The following PPFIBP1 variants were observed in gnomAD, a reference collection of about 807,000 sequenced individuals.
The protein encoded by PPFIBP1 is PPFIB scaffold protein 1, also known as liprin-beta-1.
PPFIBP1 carries 112 observed loss-of-function variants against 137.8 expected under a neutral mutation model. The observed-to-expected ratio is 0.81, with a 90% confidence interval of 0.70 to 0.95. PPFIBP1 has a LOEUF of 0.95. Among genes scored for constraint, PPFIBP1 ranks in the 40% least tolerant of loss-of-function variants. PPFIBP1 has a pLI of 0.00. For missense variants in PPFIBP1, 1,083 were observed against 1,196.6 expected (o/e 0.91, Z 1.40); for synonymous variants, 378 against 417.3 (o/e 0.91, Z 1.15).
chr12:27,653,425 A>G (rs2058999322), intron 7 of PPFIBP1, among the ~76,000 whole-genome samples: 1 of 152,050 alleles, frequency 6.6e-6, no homozygotes, highest in Non-Finnish European at 1.5e-5. Context: ...CGTCTCTACT[A>G]AAAATACAAA....
intron 1 of PPFIBP1, among the ~76,000 whole-genome samples, chr12:27,543,160 T>A (rs1565735708): frequency 6.6e-6 from 1 of 152,252 alleles, no homozygotes; most frequent in African/African-American, 2.4e-5. Flanking sequence ...CATTTTTGCC[T>A]GAAGAATTTC....
chr12:27,529,871 A>G (rs1035980450), intron 1 of PPFIBP1, among the ~76,000 whole-genome samples: 1 of 152,198 alleles, frequency 6.6e-6, no homozygotes. Context: ...GTACCATATC[A>G]CTAAATGTAC....
At position 27,582,948 on chromosome 12, in the gene PPFIBP1, G is replaced by T. The variant is rs369034559; in HGVS notation, c.-36+4709G>T. On this transcript the variant is annotated intron_variant, in intron 2 of 29. Transcript: ENST00000228425. ...TGTTATTTTTCCATCAGCTTTTCTT[G>T]CTTGTTGTTTGTTTTTTACCTAATT... 5.8e-4 allele frequency among the ~76,000 whole-genome samples: 89 copies of T among 152,192 alleles called. 1 individual carries two copies. The South Asian group carries it at 0.017, about 30-fold the overall frequency.
At chr12:27,568,307 A>T (rs1256685057) in intron 1 of PPFIBP1, among the ~76,000 whole-genome samples, 1 of 152,350 alleles carries the variant, frequency 6.6e-6, no homozygotes, top group East Asian at 1.9e-4. Context: ...TTTGCTTTTA[A>T]TCTCAAAAAG....
intron 21 of PPFIBP1, 54 bp downstream of exon 21, chr12:27,680,115 A>T (rs1485415671): frequency 1.4e-5 from 23 of 1,601,588 alleles, no homozygotes; most frequent in Non-Finnish European, 2.0e-5. Context: ...TCATAGCCTC[A>T]TGAGTCCTGC....
chr12:27,617,704 T>C (rs2055912154), intron 2 of PPFIBP1, among the ~76,000 whole-genome samples: 1 of 152,240 alleles, frequency 6.6e-6, no homozygotes, highest in Admixed American at 6.5e-5. Flanking sequence ...TTTTTAAATT[T>C]CTTTTTTTAT....
chr12:27,664,093 A>T (rs2059711964), intron 11 of PPFIBP1, among the ~76,000 whole-genome samples: 2 of 152,278 alleles, frequency 1.3e-5, no homozygotes, highest in South Asian at 4.1e-4. Context: ...CAGCTAAAGG[A>T]TAGGATCTCT....
chr12:27,579,902 G>A (rs1182799985), intron 2 of PPFIBP1, among the ~76,000 whole-genome samples: 2 of 152,322 alleles, frequency 1.3e-5, no homozygotes, highest in East Asian at 3.9e-4. Context: ...GTGTGGCCAG[G>A]TGGAAGCCCT....
intron 22 of PPFIBP1, among the ~76,000 whole-genome samples, chr12:27,681,992 T>A (rs373281140): frequency 0.19 from 7 of 36 alleles, no homozygotes; most frequent in Non-Finnish European, 0.5. Flanking sequence ...CATTGGCCTG[T>A]TTTTCTCAGT....
At chr12:27,571,232 C>A (rs1026139853) in intron 1 of PPFIBP1, among the ~76,000 whole-genome samples, 1 of 152,084 alleles carries the variant, frequency 6.6e-6, no homozygotes, top group Admixed American at 6.5e-5. Flanking sequence ...GGATTGTTTC[C>A]ATTTTTTAAT....
At chr12:27,651,749 A>G (rs1300042843) in intron 7 of PPFIBP1, among the ~76,000 whole-genome samples, 1 of 152,182 alleles carries the variant, frequency 6.6e-6, no homozygotes, top group African/African-American at 2.4e-5. Flanking sequence ...ACCTGTTGTT[A>G]ACTTAATTTG....
chr12:27,580,353 T>C, intron 2 of PPFIBP1, among the ~76,000 whole-genome samples: 1 of 152,236 alleles, frequency 6.6e-6, no homozygotes, highest in East Asian at 1.9e-4. Flanking sequence ...GCATGTGGGC[T>C]TTGCCTTAAG....
intron 1 of PPFIBP1, among the ~76,000 whole-genome samples, chr12:27,535,500 A>G (rs955598370): frequency 6.6e-6 from 1 of 152,024 alleles, no homozygotes; most frequent in Non-Finnish European, 1.5e-5. Context: ...TGCAGCTTCT[A>G]CTTTCTGGGC....
intron 13 of PPFIBP1, among the ~76,000 whole-genome samples, chr12:27,667,905 T>C (rs1264890509): frequency 6.6e-6 from 1 of 152,150 alleles, no homozygotes; most frequent in Non-Finnish European, 1.5e-5. Flanking sequence ...CCCGGGCAAC[T>C]TTGCATCGCC....
intron 4 of PPFIBP1, among the ~76,000 whole-genome samples, chr12:27,641,287 T>G (rs1362079157): frequency 6.6e-6 from 1 of 152,194 alleles, no homozygotes; most frequent in African/African-American, 2.4e-5. Flanking sequence ...AATCACTGCT[T>G]GTATGTTGAT....
At position 27,691,939 on chromosome 12, in the gene PPFIBP1, C is replaced by T. The variant is rs183431513; in HGVS notation, c.2865+11C>T. 3.0e-5 allele frequency: 48 copies of T among 1,575,532 alleles called. No individual in the cohort carries two copies. The East Asian group carries it at 1.0e-3, about 33-fold the overall frequency. ...GACCGGTTAGAGCAGGTAAATCCAA[C>T]ACTGTATAACTTTTTGCGAGTTCTT... On this transcript the variant is annotated intron_variant, in intron 28 of 29. Transcript: ENST00000228425.
chr12:27,575,789 T>C (rs769737349), intron 1 of PPFIBP1, among the ~76,000 whole-genome samples: 5 of 152,246 alleles, frequency 3.3e-5, no homozygotes, highest in East Asian at 1.9e-4. Flanking sequence ...AATGTGTTCT[T>C]GTTTTCAAAT....
At chr12:27,539,775 G>C (rs1414827184) in intron 1 of PPFIBP1, among the ~76,000 whole-genome samples, 2 of 151,960 alleles carry the variant, frequency 1.3e-5, no homozygotes, top group African/African-American at 4.8e-5. Context: ...AAATAGAGAA[G>C]ACACAGTTAA....
intron 2 of PPFIBP1, chr12:27,593,387 T>A (rs1460317528): frequency 2.2e-6 from 1 of 454,012 alleles, no homozygotes; most frequent in Non-Finnish European, 4.4e-6. Context: ...CTATGAGGCA[T>A]CTCTGTGCTC....
Sources: gnomAD v4.1 joint callset for allele counts (sites outside exome capture counted in the v4.1 genomes callset) on GRCh38, gnomAD v4.1.1 for gene constraint, MANE v1.5 for transcripts, NCBI Gene and HGNC (gene_info 2026-07-23, HGNC 2026-07-21) for gene names.